Variants in SIMC1 observed in about 807,000 individuals in gnomAD.
SIMC1 encodes the protein SUMO-interacting motif-containing protein 1.
Under a neutral mutation model 82.3 loss-of-function variants are expected in SIMC1, and 55 were observed. The observed-to-expected ratio is 0.67, with a 90% CI of 0.54 to 0.84. SIMC1 has a LOEUF of 0.84. SIMC1 is among the 40% of genes least tolerant of loss of function. SIMC1 has a pLI of 0.00. For synonymous variants in SIMC1, 353 were observed against 426.3 expected, an observed-to-expected ratio of 0.83 and a Z score of 2.12; for missense variants, 915 against 1,107.2, an observed-to-expected ratio of 0.83 and a Z score of 2.46.
intron 1 of SIMC1, among the ~76,000 whole-genome samples, chr5:176,287,497 G>A (rs1763343879): frequency 1.3e-5 from 2 of 152,196 alleles, no homozygotes; most frequent in South Asian, 4.2e-4. Flanking sequence ...GGTGGCTACG[G>A]GAGGGATAGC....
intron 4 of SIMC1, among the ~76,000 whole-genome samples, chr5:176,307,466 T>G (rs1470157572): frequency 6.6e-6 from 1 of 152,314 alleles, no homozygotes; most frequent in East Asian, 1.9e-4. Context: ...AGTGGTGTGA[T>G]CTCAGCTCAC....
Position 176,324,641 on chromosome 5 carries a change from G to A in SIMC1, c.2055G>A (p.Gln685=), listed in dbSNP as rs116614559. Residue 685 remains glutamine (Q), a synonymous_variant, in exon 7 of 10, where the codon CAG becomes CAA. Transcript: ENST00000429602. The part of the protein sequence containing the change: ...TKNTNQLIVC[Q]LQRMLSIAVE... The stretch of plus-strand genomic sequence containing the variant: ...GTTCTGGACTCAGGATTGTGTGCCA[G>A]CTTCAGAGGATGCTCTCCATAGCCG... The A allele has an allele frequency of 6.2e-4, 996 of 1,611,486 alleles. 8 individuals carry two copies. In the African/African-American group the frequency reaches 0.011, roughly 18 times the overall value.
At chr5:176,287,024 G>C (rs531071992) in intron 1 of SIMC1, among the ~76,000 whole-genome samples, 1 of 152,330 alleles carries the variant, frequency 6.6e-6, no homozygotes, top group African/African-American at 2.4e-5. Flanking sequence ...CTTTTACACT[G>C]TTGGTGGGAC....
intron 9 of SIMC1, among the ~76,000 whole-genome samples, chr5:176,342,732 C>T (rs902003305): frequency 6.6e-5 from 10 of 152,250 alleles, no homozygotes; most frequent in African/African-American, 2.4e-4. Flanking sequence ...ACTCAGCTCA[C>T]AGACCCTCCG....
At chr5:176,246,670 T>A (rs931062064) in intron 1 of SIMC1, among the ~76,000 whole-genome samples, 8 of 152,004 alleles carry the variant, frequency 5.3e-5, no homozygotes, top group Non-Finnish European at 1.2e-4. Flanking sequence ...TGCAGGTTTG[T>A]TACATAGGTA....
chr5:176,342,418 T>C (rs922942384), intron 9 of SIMC1, among the ~76,000 whole-genome samples: 2 of 152,190 alleles, frequency 1.3e-5, no homozygotes. Context: ...ATAAAGTCAT[T>C]ACCTTATGTT....
intron 9 of SIMC1, among the ~76,000 whole-genome samples, chr5:176,344,974 T>A (rs1025769243): frequency 2.6e-5 from 4 of 152,174 alleles, no homozygotes; most frequent in African/African-American, 9.7e-5. Flanking sequence ...TCACTTTTTT[T>A]AATGTAAAAC....
intron 5 of SIMC1, among the ~76,000 whole-genome samples, chr5:176,319,100 C>A (rs917673820): frequency 1.3e-5 from 2 of 151,926 alleles, no homozygotes; most frequent in African/African-American, 4.8e-5. Flanking sequence ...CAGAGCAAGA[C>A]CCTGTCTCAG....
intron 9 of SIMC1, among the ~76,000 whole-genome samples, chr5:176,341,322 A>T (rs1424898112): frequency 6.6e-6 from 1 of 152,212 alleles, no homozygotes; most frequent in Non-Finnish European, 1.5e-5. Flanking sequence ...GTAAGGGGAG[A>T]ATAACACTAA....
intron 1 of SIMC1, among the ~76,000 whole-genome samples, chr5:176,249,921 A>G (rs997825474): frequency 1.3e-4 from 19 of 149,330 alleles, no homozygotes; most frequent in Non-Finnish European, 2.7e-4. Context: ...TATCTCCTTC[A>G]GTTCTACCCT....
At chr5:176,285,190 A>G (rs1422567164) in intron 1 of SIMC1, among the ~76,000 whole-genome samples, 1 of 152,180 alleles carries the variant, frequency 6.6e-6, no homozygotes, top group African/African-American at 2.4e-5. Flanking sequence ...ACCAAAAAAG[A>G]GAATTTTAGA....
At chr5:176,303,350 A>G (rs1764126815) in intron 4 of SIMC1, among the ~76,000 whole-genome samples, 1 of 141,324 alleles carries the variant, frequency 7.1e-6, no homozygotes, top group Non-Finnish European at 1.5e-5. Flanking sequence ...TTTTTGAGAC[A>G]GAGTTCAGCT....
intron 1 of SIMC1, among the ~76,000 whole-genome samples, chr5:176,282,737 G>T (rs1763071622): frequency 6.6e-6 from 1 of 152,220 alleles, no homozygotes; most frequent in African/African-American, 2.4e-5. Context: ...AGCTAAAGGA[G>T]CATGTTTGAA....
chr5:176,311,959 C>T (rs1260383241), intron 4 of SIMC1, among the ~76,000 whole-genome samples: 1 of 152,078 alleles, frequency 6.6e-6, no homozygotes, highest in Non-Finnish European at 1.5e-5. Flanking sequence ...TCCTTATCTT[C>T]CAAAATGGGG....
At chr5:176,337,271 G>A (rs1271174555) in intron 9 of SIMC1, 125 bp downstream of exon 9, 6 of 833,070 alleles carry the variant, frequency 7.2e-6, no homozygotes, top group South Asian at 5.2e-5. Flanking sequence ...CTTATTATAA[G>A]GGATAAGAAA....
chr5:176,250,460 G>A (rs1761611944), intron 1 of SIMC1, among the ~76,000 whole-genome samples: 1 of 152,208 alleles, frequency 6.6e-6, no homozygotes, highest in Non-Finnish European at 1.5e-5. Context: ...GGAGAGCTCT[G>A]TAGATGTCTA....
intron 1 of SIMC1, among the ~76,000 whole-genome samples, chr5:176,279,191 G>T (rs1244372409): frequency 6.6e-6 from 1 of 152,186 alleles, no homozygotes; most frequent in East Asian, 1.9e-4. Context: ...GAGTGTATGT[G>T]TCGAGGAATT....
chr5:176,313,746 A>G lies in SIMC1; in HGVS notation c.1790A>G (p.Glu597Gly). Residue 597 changes from glutamate to glycine, a missense_variant, in exon 5 of 10, where the codon GAA becomes GGA. Physicochemically the swap from Glu to Gly is moderately conservative, Grantham distance 98. Transcript: ENST00000429602. ...LFLRYVVQTL[E>G]DDFQQTLRRQ... ...CTGCGTTATGTCGTTCAGACCCTAG[A>G]AGATGACTTTCAGCAGACCCTGAGG... is the stretch of plus-strand genomic sequence containing the variant. 1 of 1,613,984 alleles carries G rather than the reference A, an allele frequency of 6.2e-7. No individual in the cohort carries two copies. Among genetic ancestry groups the G allele is most frequent in the Non-Finnish European group, 8.5e-7 (1 of 1,179,870 alleles).
rs753915287 is a variant in SIMC1 at position 176,295,159 on chromosome 5, C to G, written c.1561C>G (p.Pro521Ala). 6.2e-7 allele frequency: 1 copy of G among 1,613,606 alleles called. No homozygotes were observed. The highest frequency in any genetic ancestry group is 8.5e-7 in the Non-Finnish European group (1 of 1,179,676). Residue 521 changes from proline (P) to alanine (A), a missense_variant, in exon 3 of 10, where the codon CCA becomes GCA. This residue lies in a region of SIMC1 where 902 missense variants were observed against 1,040.3 expected (regional missense o/e 0.87). Transcript: ENST00000429602. ...MDFVSPQHYP[P>A]REIVAHIIQK... ...CTTTGTGTCACCCCAGCATTACCCA[C>G]CAAGAGAAATCGTGGCTCACATCAT...
Sources: allele counts gnomAD v4.1 joint callset (sites outside exome capture counted in the v4.1 genomes callset), GRCh38; gene constraint gnomAD v4.1.1; regional missense constraint gnomAD v4.1.1; transcripts MANE v1.5; gene names NCBI Gene and HGNC (gene_info 2026-07-23, HGNC 2026-07-21).